The following CELF2 variants were observed in gnomAD, a reference collection of about 807,000 sequenced individuals.
CELF2 encodes the protein CUG triplet repeat RNA-binding protein 2.
In CELF2, 8 loss-of-function variants were observed where a neutral mutation model predicts 62.6. The ratio of observed to expected loss-of-function variants is 0.13; its 90% CI spans 0.07 to 0.23. The LOEUF (loss-of-function observed/expected upper bound fraction) is 0.23, where lower values mean the gene tolerates loss of function less well. CELF2 is among the 10% of genes least tolerant of loss of function. CELF2 has a pLI of 1.00. For synonymous variants in CELF2, 258 were observed against 250.0 expected (o/e 1.03, Z -0.30); for missense variants, 333 against 671.0 (o/e 0.50, Z 5.56).
At chr10:10,699,397 C>A in the CELF2 span, among the ~76,000 whole-genome samples, 1,287 of 152,258 alleles carry the variant, frequency 8.5e-3, 6 homozygotes, top group African/African-American at 0.012. Flanking sequence ...ATGGGGATAT[C>A]AATGGTGAGC....
rs56348502 is a variant in CELF2, at chr10:11,290,524, TAA to T, written c.976+1987_976+1988del. Among the ~76,000 whole-genome samples, 6,865 of 141,590 alleles carry T rather than the reference TAA, an allele frequency of 0.048. 200 individuals carry two copies. The highest frequency in any genetic ancestry group is 0.082 in the African/African-American group (3,143 of 38,418). 92.9% of individuals were successfully genotyped at this position (141,590 alleles called of 152,430 possible). ...CCTGGGCGACGAGCGAGACTCCGTC[TAA>T]AAAAAAAAAAAAAATGTGGGCCACT... On this transcript the variant is annotated intron_variant, in intron 9 of 12. Coordinates refer to ENST00000633077, the MANE Select transcript of CELF2 (RefSeq NM_001326342.2). The surrounding 1 kb of genome is among the most constrained non-coding windows in gnomAD (Gnocchi z 4.3).
the CELF2 span, among the ~76,000 whole-genome samples, chr10:10,610,049 AC>A: frequency 6.6e-6 from 1 of 152,216 alleles, no homozygotes; most frequent in Non-Finnish European, 1.5e-5. Flanking sequence ...TTGATCTGGA[AC>A]CTATTTATGT....
chr10:11,261,420 T>C (rs80139185), intron 5 of CELF2, among the ~76,000 whole-genome samples: 1 of 87,920 alleles, frequency 1.1e-5, no homozygotes, highest in Non-Finnish European at 3.4e-5. Context: ...ATCACTGCCT[T>C]TTTTTTTTTT....
chr10:10,792,528 G>C, the CELF2 span: 4 of 397,698 alleles, frequency 1.0e-5, no homozygotes, highest in African/African-American at 8.2e-5. Flanking sequence ...GAGGAGTCCT[G>C]TTTGTAAGCA....
At chr10:10,564,706 A>T in the CELF2 span, among the ~76,000 whole-genome samples, 135 of 146,896 alleles carry the variant, frequency 9.2e-4, no homozygotes, top group African/African-American at 3.3e-3. Context: ...ACACACACAC[A>T]CACTTTCTCC....
the CELF2 span, among the ~76,000 whole-genome samples, chr10:10,626,325 A>G: frequency 2.0e-4 from 30 of 152,304 alleles, no homozygotes; most frequent in African/African-American, 7.0e-4. Context: ...CTCCCCATGT[A>G]TTCATGTTAG....
chr10:10,916,914 G>A (rs1036066334), intron 1 of CELF2, among the ~76,000 whole-genome samples: 1 of 151,414 alleles, frequency 6.6e-6, no homozygotes, highest in Non-Finnish European at 1.5e-5. Context: ...CACCCAGCCT[G>A]GAATTTCCTT....
chr10:10,868,117 C>A (rs748716584), intron 1 of CELF2, among the ~76,000 whole-genome samples: 6 of 152,164 alleles, frequency 3.9e-5, no homozygotes, highest in Admixed American at 6.5e-5. Flanking sequence ...GTTATCTGTT[C>A]CTGTTCAGCA....
the CELF2 span, among the ~76,000 whole-genome samples, chr10:10,750,677 A>G: frequency 1.3e-5 from 2 of 152,272 alleles, no homozygotes; most frequent in Non-Finnish European, 2.9e-5. Context: ...CGTGTGTTCC[A>G]TCTTAAAGTT....
chr10:11,258,856 T>G (rs2079595133), intron 5 of CELF2, among the ~76,000 whole-genome samples: 2 of 152,064 alleles, frequency 1.3e-5, no homozygotes, highest in Non-Finnish European at 2.9e-5. Context: ...CTGGCCAACT[T>G]TTGTATTTTA....
Position 11,084,767 on chromosome 10 carries a change from G to A in CELF2, c.74+66604G>A, listed in dbSNP as rs568373028. 7.8e-4 allele frequency among the ~76,000 whole-genome samples: 119 copies of A among 151,962 alleles called. No individual in the cohort carries two copies. The South Asian group carries it at 1.0e-2, about 13-fold the overall frequency. On this transcript the variant is annotated intron_variant, in intron 1 of 12. Coordinates refer to ENST00000633077, the MANE Select transcript of CELF2 (RefSeq NM_001326342.2). ...GAGAATAAAAGAAAAAAAAACCCAC[G>A]GTCTCATTTTCTAAGGTCTGCCCAG...
At chr10:10,998,121 T>C (rs1376402527) in intron 2 of CELF2, among the ~76,000 whole-genome samples, 1 of 152,220 alleles carries the variant, frequency 6.6e-6, no homozygotes, top group Admixed American at 6.5e-5. Context: ...TCCTCAGCCA[T>C]GTGAAACTGT....
rs186072296 is a variant in CELF2 at position 10,830,440 on chromosome 10, A to C, written c.53+31623A>C. ...ACCAGTCTATTTCCTAAAAGCTTAA[A>C]AAATATAACATAGTTCGTATAATAT... On this transcript the variant is annotated intron_variant, in intron 1 of 13. Transcript: ENST00000636488. Among the ~76,000 whole-genome samples, 274 of 152,302 alleles carry C rather than the reference A, an allele frequency of 1.8e-3. 2 individuals are homozygous for C. Among genetic ancestry groups the C allele is most frequent in the South Asian group, 0.013 (62 of 4,822 alleles).
Position 10,948,784 on chromosome 10 carries a change from C to T in CELF2, c.89+28785C>T, listed in dbSNP as rs182522356. ...TTGCACGGTGGCTATCATGTTTTTA[C>T]GTTCTAAATCTTGGGGTCTTTCAAA... On this transcript the variant is annotated intron_variant, in intron 2 of 13. Coordinates refer to the CELF2 transcript ENST00000636488. Among the ~76,000 whole-genome samples, 377 of 152,210 alleles carry T rather than the reference C, an allele frequency of 2.5e-3. 2 individuals are homozygous for T. The highest frequency in any genetic ancestry group is 8.9e-3 in the African/African-American group (370 of 41,542).
chr10:10,471,768 T>C, the CELF2 span, among the ~76,000 whole-genome samples: 16 of 151,908 alleles, frequency 1.1e-4, no homozygotes, highest in African/African-American at 3.6e-4. Flanking sequence ...ATCTTTTTCA[T>C]TACTTGGAAT....
intron 1 of CELF2, among the ~76,000 whole-genome samples, chr10:11,150,558 G>C (rs1389296011): frequency 6.6e-6 from 1 of 152,184 alleles, no homozygotes; most frequent in Non-Finnish European, 1.5e-5. Context: ...TGGAGATTAT[G>C]GTTGAACCAA....
the CELF2 span, among the ~76,000 whole-genome samples, chr10:10,696,980 T>C: frequency 4.6e-5 from 7 of 152,216 alleles, no homozygotes; most frequent in African/African-American, 1.4e-4. Flanking sequence ...AGGGGAGCTG[T>C]TCCTATTCGG....
At chr10:10,919,527 T>A (rs150615982) in intron 1 of CELF2, among the ~76,000 whole-genome samples, 2 of 152,340 alleles carry the variant, frequency 1.3e-5, no homozygotes, top group African/African-American at 4.8e-5. Flanking sequence ...TTCATAAGCT[T>A]CGGGTGACAG....
At chr10:10,695,480 G>C in the CELF2 span, among the ~76,000 whole-genome samples, 2 of 150,508 alleles carry the variant, frequency 1.3e-5, no homozygotes, top group Non-Finnish European at 1.5e-5. Context: ...TGACAATTAT[G>C]TGTCTTGGAG....
Sources: gnomAD v4.1 joint callset for allele counts (sites outside exome capture counted in the v4.1 genomes callset) on GRCh38, gnomAD v4.1.1 for gene constraint, Gnocchi (gnomAD v3.1) non-coding constraint, MANE v1.5 for transcripts, NCBI Gene and HGNC (gene_info 2026-07-23, HGNC 2026-07-21) for gene names.